SPEF2: variants seen among roughly 807,000 people sequenced by gnomAD.
SPEF2 encodes sperm flagellar and cilia associated 2.
A neutral mutation model predicts 224.6 loss-of-function variants in SPEF2; 187 were observed. That is an observed-to-expected ratio of 0.83 (90% confidence interval 0.74 to 0.94). The LOEUF (loss-of-function observed/expected upper bound fraction) is 0.94, where lower values mean the gene tolerates loss of function less well. Ranked by LOEUF, SPEF2 falls within the 40% of genes least tolerant of loss-of-function variation. The probability of loss-of-function intolerance (pLI) is 0.00; values close to 1 mark genes in which losing one functional copy is unlikely to be tolerated. For synonymous variants in SPEF2, 715 were observed against 707.3 expected, an observed-to-expected ratio of 1.01 and a Z score of -0.17; for missense variants, 2,170 against 2,135.6, an observed-to-expected ratio of 1.02 and a Z score of -0.32.
At chr5:35,703,150 A>C (rs549721094) in intron 16 of SPEF2, among the ~76,000 whole-genome samples, 63 of 151,234 alleles carry the variant, frequency 4.2e-4, no homozygotes, top group South Asian at 2.1e-3. Context: ...GGGTCTCTCT[A>C]TATATATATG....
intron 19 of SPEF2, chr5:35,710,141 G>A: frequency 1.0e-6 from 1 of 985,212 alleles, no homozygotes; most frequent in East Asian, 1.1e-4. Flanking sequence ...TTTTTATCAT[G>A]TCAACAATAA....
At chr5:35,784,363 C>T (rs1336776358) in intron 30 of SPEF2, among the ~76,000 whole-genome samples, 3 of 152,134 alleles carry the variant, frequency 2.0e-5, no homozygotes, top group Non-Finnish European at 4.4e-5. Context: ...CTCCTGACCT[C>T]GCGATCCGCC....
intron 30 of SPEF2, chr5:35,788,686 C>A: frequency 1.4e-6 from 1 of 702,924 alleles, no homozygotes; most frequent in Admixed American, 2.0e-5. Context: ...GTGATGGTAC[C>A]CATAGCATAG....
intron 20 of SPEF2, among the ~76,000 whole-genome samples, chr5:35,720,117 G>T (rs755547192): frequency 4.9e-4 from 74 of 152,150 alleles, no homozygotes; most frequent in Non-Finnish European, 9.7e-4. Flanking sequence ...GATTTTTATT[G>T]CACTAATGCA....
chr5:35,734,176 G>T (rs889484019), intron 21 of SPEF2, among the ~76,000 whole-genome samples: 9 of 152,134 alleles, frequency 5.9e-5, no homozygotes, highest in African/African-American at 1.9e-4. Flanking sequence ...ATCTGGGAAT[G>T]GTTCAGAAAC....
chr5:35,671,493 A>G (rs1037379312), intron 10 of SPEF2: 11 of 865,656 alleles, frequency 1.3e-5, no homozygotes, highest in East Asian at 2.2e-4. Context: ...GTATAATGCC[A>G]TGTAAGAAAA....
intron 1 of SPEF2, among the ~76,000 whole-genome samples, chr5:35,624,240 G>GGAAGATTAGAGGCAGGGCTGA (rs1223288991): frequency 6.6e-6 from 1 of 152,184 alleles, no homozygotes; most frequent in Non-Finnish European, 1.5e-5. Context: ...CATGTGGCTT[G>GGAAGATTAGAGGCAGGGCTGA]GAAGATTAGA....
At chr5:35,788,289 C>T (rs955466409) in intron 30 of SPEF2, 1 of 702,674 alleles carries the variant, frequency 1.4e-6, no homozygotes, top group African/African-American at 1.7e-5. Context: ...ACCGGACGTC[C>T]CCTCAAAGAT....
intron 5 of SPEF2, among the ~76,000 whole-genome samples, chr5:35,647,137 T>C (rs1425646628): frequency 1.3e-5 from 2 of 152,216 alleles, no homozygotes; most frequent in Non-Finnish European, 2.9e-5. Flanking sequence ...TCTTATCCAT[T>C]GTGTTGCTAT....
At chr5:35,652,407 G>C (rs1406137527) in intron 6 of SPEF2, among the ~76,000 whole-genome samples, 1 of 152,072 alleles carries the variant, frequency 6.6e-6, no homozygotes, top group African/African-American at 2.4e-5. Flanking sequence ...AGATCTAAAA[G>C]TGTTACGCTA....
intron 20 of SPEF2, among the ~76,000 whole-genome samples, chr5:35,726,775 C>A (rs1398449178): frequency 6.6e-6 from 1 of 152,106 alleles, no homozygotes; most frequent in African/African-American, 2.4e-5. Flanking sequence ...GAATTTTAAA[C>A]GGAGTGAATT....
chr5:35,795,840 C>T (rs1488770732), intron 33 of SPEF2, 45 bp downstream of exon 33: 6 of 1,497,558 alleles, frequency 4.0e-6, no homozygotes, highest in Admixed American at 1.8e-5. Context: ...TAGCACTAAT[C>T]ATTTTCTTTG....
At position 35,806,942 on chromosome 5, in the gene SPEF2, T is replaced by C. The variant is rs1237278750; in HGVS notation, c.5246T>C (p.Ile1749Thr). 7 of 1,600,128 alleles carry C rather than the reference T, an allele frequency of 4.4e-6. No individual in the cohort carries two copies. Among genetic ancestry groups the C allele is most frequent in the African/African-American group, 2.7e-5 (2 of 74,128 alleles). ...GCCAGCCACCTAAAGATAGAGAACA[T>C]TTATGCAGAGGTTGGTTAAATTATT... ...RFASHLKIEN[I>T]YAEGFIKTFQ... The change falls in exon 35 of 37, where the codon ATT becomes ACT. Residue 1749 changes from isoleucine (I) to threonine (T), a missense_variant. Transcript: ENST00000356031.
At chr5:35,731,596 A>C (rs920226908) in intron 21 of SPEF2, among the ~76,000 whole-genome samples, 1 of 152,210 alleles carries the variant, frequency 6.6e-6, no homozygotes, top group African/African-American at 2.4e-5. Context: ...AGGAAGTCAA[A>C]TTGGAAAAAG....
intron 10 of SPEF2, among the ~76,000 whole-genome samples, chr5:35,680,028 A>G (rs1477845829): frequency 1.3e-5 from 2 of 152,234 alleles, no homozygotes; most frequent in Non-Finnish European, 2.9e-5. Flanking sequence ...ATTAAGACAT[A>G]TCCTCCATCT....
chr5:35,618,072 A>G lies in SPEF2; in HGVS notation c.58+17A>G, dbSNP rs1742906867. On this transcript the variant is annotated intron_variant, in intron 1 of 36. Transcript: ENST00000356031. ...GGACCGTGAGTGAGTGACCACGGCCAGGGGCGAGCGTCTGAGGGGCTAGCG... is the reference window on the plus strand; with the variant it reads ...GGACCGTGAGTGAGTGACCACGGCCGGGGGCGAGCGTCTGAGGGGCTAGCG... The G allele has an allele frequency of 1.3e-6, 2 of 1,575,178 alleles. No homozygotes were observed. Among genetic ancestry groups the G allele is most frequent in the Non-Finnish European group, 1.7e-6 (2 of 1,157,636 alleles).
chr5:35,705,795 A>G lies in SPEF2; in HGVS notation c.2652A>G (p.Lys884=), dbSNP rs1423066092. Residue 884 remains lysine (K), a synonymous_variant, in exon 18 of 37, where the codon AAA becomes AAG. Transcript: ENST00000356031. The stretch of plus-strand genomic sequence containing the variant: ...AAATTCTTACGACTGAAATAGCAAA[A>G]AAAAAGAATAAAGGTATTTACATTT... ...VKEILTTEIA[K]KKNKVEKKLE... 6.7e-7 allele frequency: 1 copy of G among 1,483,240 alleles called. No individual in the cohort carries two copies. Among genetic ancestry groups the G allele is most frequent in the Non-Finnish European group, 9.2e-7 (1 of 1,091,728 alleles). The allele number at this position is 1,483,240 out of a possible 1,614,324, so 91.9% of individuals were successfully genotyped here. A position where few individuals can be genotyped will look rare whatever the true frequency, so the allele number is the denominator to read the frequency against.
At position 35,727,887 on chromosome 5, in the gene SPEF2, A is replaced by G. The variant is rs7731139; in HGVS notation, c.3063+64A>G. On this transcript the variant is annotated intron_variant, in intron 21 of 36. Coordinates refer to ENST00000356031, the MANE Select transcript of SPEF2 (RefSeq NM_024867.4). ...TTCTCCTGCATATAGTAAGATTCAC[A>G]CTGTCATTTGCAACATCCTGAAGGC... 9,449 of 1,545,690 alleles carry G rather than the reference A, an allele frequency of 6.1e-3. 558 individuals are homozygous for G. In the African/African-American group the frequency reaches 0.12, roughly 19 times the overall value.
chr5:35,668,257 C>A lies in SPEF2; in HGVS notation c.1355+998C>A, dbSNP rs529875535. Among the ~76,000 whole-genome samples the A allele has an allele frequency of 5.9e-5, 9 of 152,194 alleles. No individual in the cohort carries two copies. In the East Asian group the frequency reaches 1.7e-3, roughly 29 times the overall value. ...GTAATAGCTTAAAACTGATAACAAT[C>A]CAGATATCTCTCAACAGGTAATAGA... is the stretch of plus-strand genomic sequence containing the variant. On this transcript the variant is annotated intron_variant, in intron 9 of 36. Transcript: ENST00000356031.
Sources: allele counts gnomAD v4.1 joint callset (sites outside exome capture counted in the v4.1 genomes callset), GRCh38; gene constraint gnomAD v4.1.1; transcripts MANE v1.5; gene names NCBI Gene and HGNC (gene_info 2026-07-23, HGNC 2026-07-21).